Variants in RP1 observed in about 807,000 individuals in gnomAD.
RP1 encodes RP1 axonemal microtubule associated, also known as oxygen-regulated protein 1.
In RP1, 16 loss-of-function variants were observed where a neutral mutation model predicts 14.8. That is an observed-to-expected ratio of 1.08 (90% confidence interval 0.73 to 1.65). The LOEUF is 1.65. RP1 is among the 40% of genes most tolerant of loss of function. The pLI is 0.00. For missense variants in RP1, 2,631 were observed against 2,535.0 expected, an observed-to-expected ratio of 1.04 and a Z score of -0.81; for synonymous variants, 876 against 883.6, an observed-to-expected ratio of 0.99 and a Z score of 0.15.
At chr8:54,733,727 A>G (rs1243673834) in intron 17 of RP1, among the ~76,000 whole-genome samples, 1 of 152,184 alleles carries the variant, frequency 6.6e-6, no homozygotes, top group Non-Finnish European at 1.5e-5. Context: ...AATATCAGTT[A>G]AGAATTAAAG....
At chr8:54,746,900 C>A (rs750744888) in intron 19 of RP1, among the ~76,000 whole-genome samples, 4 of 152,152 alleles carry the variant, frequency 2.6e-5, no homozygotes, top group Non-Finnish European at 4.4e-5. Flanking sequence ...CCTCATCCAA[C>A]CTGCTTCTCC....
At chr8:54,764,560 T>G (rs1347027379) in intron 22 of RP1, among the ~76,000 whole-genome samples, 1 of 152,240 alleles carries the variant, frequency 6.6e-6, no homozygotes, top group Non-Finnish European at 1.5e-5. Flanking sequence ...TATGTGTGTG[T>G]TTATGTGTCT....
intron 19 of RP1, among the ~76,000 whole-genome samples, chr8:54,751,217 C>A (rs1038366590): frequency 6.6e-6 from 1 of 152,202 alleles, no homozygotes; most frequent in African/African-American, 2.4e-5. Context: ...TTATAGTTTA[C>A]AAACTGTTTT....
At chr8:54,789,428 G>A (rs1199875596) in intron 24 of RP1, among the ~76,000 whole-genome samples, 4 of 152,106 alleles carry the variant, frequency 2.6e-5, no homozygotes, top group African/African-American at 7.2e-5. Flanking sequence ...GCCTGATCAG[G>A]AAGCCTAGAC....
At chr8:54,783,587 A>C (rs921132905) in exon 24 of RP1, 1 of 1,231,704 alleles carries the variant, frequency 8.1e-7, no homozygotes, top group Non-Finnish European at 1.0e-6. Context: ...GGGATCTTGA[A>C]AATGCCGGCA....
chr8:54,794,693 G>A, intron 24 of RP1, among the ~76,000 whole-genome samples: 1 of 151,852 alleles, frequency 6.6e-6, no homozygotes, highest in Non-Finnish European at 1.5e-5. Context: ...TATGACACCA[G>A]AAGCACAGGC....
chr8:54,621,794 CT>C (rs1805887324), intron 2 of RP1, among the ~76,000 whole-genome samples: 1 of 152,194 alleles, frequency 6.6e-6, no homozygotes, highest in Non-Finnish European at 1.5e-5. Flanking sequence ...CCCTTTCTCT[CT>C]TCCCTGAGCC....
intron 12 of RP1, among the ~76,000 whole-genome samples, chr8:54,686,586 A>G (rs543990150): frequency 2.0e-5 from 3 of 152,258 alleles, no homozygotes; most frequent in African/African-American, 7.2e-5. Flanking sequence ...ACTTCATTTT[A>G]TGATAAACTC....
rs765187462 is a variant in RP1 at position 54,629,538 on chromosome 8, A to T, written c.5656A>T (p.Ile1886Phe). 1 of 1,614,088 alleles carries T rather than the reference A, an allele frequency of 6.2e-7. No individual in the cohort carries two copies. Among genetic ancestry groups the T allele is most frequent in the Non-Finnish European group, 8.5e-7 (1 of 1,179,998 alleles). Residue 1886 changes from isoleucine to phenylalanine, a missense_variant, in exon 4 of 4, where the codon ATT becomes TTT. Ile to Phe is a conservative substitution (Grantham distance 21). Transcript: ENST00000220676. ...AGTCTACCCTGTCTCTGATGATGCT[A>T]TTAAAAACCAACCATTGCCTGGCAG... ...NKVYPVSDDA[I>F]KNQPLPGSNM...
chr8:54,633,336 C>G (rs1806284979), downstream of RP1, among the ~76,000 whole-genome samples: 1 of 152,106 alleles, frequency 6.6e-6, no homozygotes, highest in Admixed American at 6.5e-5. Flanking sequence ...TTCCCTAATT[C>G]AAGCTGAAAC....
At chr8:54,783,399 G>A (rs534267935) in intron 23 of RP1, 137 of 428,098 alleles carry the variant, frequency 3.2e-4, no homozygotes, top group Middle Eastern at 2.5e-3. Context: ...CATTCAAGGA[G>A]GAAATCCATG....
intron 27 of RP1, among the ~76,000 whole-genome samples, chr8:54,859,681 T>C (rs1165606633): frequency 6.6e-6 from 1 of 151,918 alleles, no homozygotes; most frequent in Non-Finnish European, 1.5e-5. Context: ...TGTTTAACTG[T>C]GGAGCAGTGT....
intron 24 of RP1, among the ~76,000 whole-genome samples, chr8:54,805,460 A>G (rs1436403200): frequency 1.3e-5 from 2 of 152,200 alleles, no homozygotes; most frequent in Non-Finnish European, 2.9e-5. Flanking sequence ...ATAAAATAAT[A>G]CAAAATAAAC....
Position 54,630,723 on chromosome 8 carries a change from T to A in RP1, c.*370T>A, listed in dbSNP as rs1806231602. On this transcript the variant is annotated 3_prime_UTR_variant, in exon 4 of 4. Coordinates refer to ENST00000220676, the MANE Select transcript of RP1 (RefSeq NM_006269.2). The stretch of plus-strand genomic sequence containing the variant: ...GGTGTAAAATGTATATTGACTGTAT[T>A]GGTGAATAAATTGAATAGACATAAC... The A allele has an allele frequency of 9.5e-7, 1 of 1,051,096 alleles. No individual in the cohort carries two copies. Among genetic ancestry groups the A allele is most frequent in the South Asian group, 3.2e-5 (1 of 31,100 alleles). The allele number at this position is 1,051,096 out of a possible 1,614,324, so 65.1% of individuals were successfully genotyped here. A position where few individuals can be genotyped will look rare whatever the true frequency, so the allele number is the denominator to read the frequency against.
chr8:54,764,112 G>C (rs1385643454), intron 22 of RP1, among the ~76,000 whole-genome samples: 2 of 152,188 alleles, frequency 1.3e-5, no homozygotes, highest in Non-Finnish European at 2.9e-5. Flanking sequence ...TTGAAAAAAA[G>C]AGTCTGTTGT....
intron 8 of RP1, among the ~76,000 whole-genome samples, chr8:54,676,743 A>G (rs1425031687): frequency 6.6e-6 from 1 of 152,198 alleles, no homozygotes; most frequent in Non-Finnish European, 1.5e-5. Context: ...TTTTACGTTA[A>G]TAATTTAAAA....
rs374595990 is a variant in RP1, at chr8:54,621,600, C to T, written c.615+19C>T. The T allele has an allele frequency of 1.2e-6, 2 of 1,613,762 alleles. No homozygotes were observed. Among genetic ancestry groups the T allele is most frequent in the Non-Finnish European group, 1.7e-6 (2 of 1,180,010 alleles). ...AAGGAGGGTGAGCGTTCTGGGGGCT[C>T]CTCGAGCCTGAGCTCATTTTGAGCA... is the stretch of plus-strand genomic sequence containing the variant. On this transcript the variant is annotated intron_variant, in intron 2 of 3. Transcript: ENST00000220676.
At position 54,625,448 on chromosome 8, in the gene RP1, C is replaced by A. The variant is rs971459433; in HGVS notation, c.1566C>A (p.Asn522Lys). 1.2e-6 allele frequency: 2 copies of A among 1,613,748 alleles called. No homozygotes were observed. Among genetic ancestry groups the A allele is most frequent in the African/African-American group, 2.7e-5 (2 of 75,002 alleles). The change falls in exon 4 of 4, where the codon AAC becomes AAA. Residue 522 changes from asparagine (N) to lysine (K), a missense_variant. Transcript: ENST00000220676. ...AACCAGTACTTGTTCAGATCAATAA[C>A]AATGATCAAATGGAGGAGTCATCAT... ...SNKPVLVQIN[N>K]NDQMEESSLE...
At chr8:54,652,836 T>C (rs1336482553) in exon 5 of RP1, 2 of 1,535,936 alleles carry the variant, frequency 1.3e-6, no homozygotes, top group East Asian at 2.4e-5. Flanking sequence ...ATACCAACTC[T>C]GGATCCTCCC....
Sources: allele counts gnomAD v4.1 joint callset (sites outside exome capture counted in the v4.1 genomes callset), GRCh38; gene constraint gnomAD v4.1.1; transcripts MANE v1.5; gene names NCBI Gene and HGNC (gene_info 2026-07-23, HGNC 2026-07-21).